FILIP1L: variants seen among roughly 807,000 people sequenced by gnomAD.
The protein encoded by FILIP1L is filamin A interacting protein 1 like, also known as filamin A-interacting protein 1-like.
A neutral mutation model predicts 96.6 loss-of-function variants in FILIP1L; 55 were observed. The ratio of observed to expected loss-of-function variants is 0.57; its 90% CI spans 0.46 to 0.71. The LOEUF is 0.71. Among genes scored for constraint, FILIP1L ranks in the 30% least tolerant of loss-of-function variants. FILIP1L has a pLI of 0.00. For synonymous variants in FILIP1L, 467 were observed against 473.9 expected, an observed-to-expected ratio of 0.99 and a Z score of 0.19; for missense variants, 1,304 against 1,321.2, an observed-to-expected ratio of 0.99 and a Z score of 0.20.
intron 3 of FILIP1L, 112 bp from the exon 4 acceptor site, chr3:99,924,520 TTTTG>T (rs772799372): frequency 1.2e-5 from 14 of 1,124,114 alleles, no homozygotes; most frequent in African/African-American, 3.2e-5. Flanking sequence ...TTTTTTGGTT[TTTTG>T]TTTGTTTGTT....
intron 1 of FILIP1L, among the ~76,000 whole-genome samples, chr3:100,100,379 T>G (rs1212707610): frequency 6.6e-6 from 1 of 152,222 alleles, no homozygotes; most frequent in East Asian, 1.9e-4. Flanking sequence ...CTTGGCTGTC[T>G]TATACATTAT....
At chr3:99,868,881 T>C (rs1944646158) in intron 4 of FILIP1L, among the ~76,000 whole-genome samples, 1 of 152,208 alleles carries the variant, frequency 6.6e-6, no homozygotes, top group Non-Finnish European at 1.5e-5. Context: ...ACCTAAATAT[T>C]CTACATTATT....
chr3:100,039,022 A>G (rs1015645086), intron 1 of FILIP1L, among the ~76,000 whole-genome samples: 1 of 152,248 alleles, frequency 6.6e-6, no homozygotes, highest in Non-Finnish European at 1.5e-5. Flanking sequence ...TTGGGAGACA[A>G]TAATTTTGCA....
intron 1 of FILIP1L, among the ~76,000 whole-genome samples, chr3:100,064,884 G>A (rs1320483032): frequency 2.0e-5 from 3 of 152,106 alleles, no homozygotes; most frequent in South Asian, 2.1e-4. Context: ...GGGGCCTGGG[G>A]GTGGGGTGGT....
intron 1 of FILIP1L, among the ~76,000 whole-genome samples, chr3:99,936,815 A>G (rs1024133320): frequency 6.6e-5 from 10 of 152,130 alleles, no homozygotes; most frequent in Non-Finnish European, 1.2e-4. Context: ...ATAAAAAGAT[A>G]TACATAGTAA....
chr3:99,905,977 G>T (rs565728789), intron 4 of FILIP1L, among the ~76,000 whole-genome samples: 2 of 152,298 alleles, frequency 1.3e-5, no homozygotes, highest in South Asian at 2.1e-4. Context: ...CAGATCACTT[G>T]AACTTAGAAG....
intron 1 of FILIP1L, chr3:100,011,886 T>C (rs1710166900): frequency 6.6e-6 from 1 of 152,228 alleles, no homozygotes; most frequent in African/African-American, 2.4e-5. Flanking sequence ...TTTAGTATTA[T>C]AATATTAAAA....
chr3:100,049,265 T>C (rs1013061759), intron 1 of FILIP1L, among the ~76,000 whole-genome samples: 1 of 152,238 alleles, frequency 6.6e-6, no homozygotes, highest in Non-Finnish European at 1.5e-5. Flanking sequence ...ATTTATCATC[T>C]GTTTTTGAGG....
intron 1 of FILIP1L, among the ~76,000 whole-genome samples, chr3:100,091,996 T>G (rs1199836049): frequency 1.3e-5 from 2 of 152,222 alleles, no homozygotes; most frequent in Non-Finnish European, 2.9e-5. Context: ...GCAAGTTGCT[T>G]GATCTCTCTG....
chr3:100,064,306 G>A (rs138254592), intron 1 of FILIP1L, among the ~76,000 whole-genome samples: 7 of 152,036 alleles, frequency 4.6e-5, no homozygotes, highest in African/African-American at 1.2e-4. Context: ...AACTTCTGAC[G>A]ATTTCCTGTG....
At chr3:99,968,511 A>G (rs1402924446) in intron 1 of FILIP1L, among the ~76,000 whole-genome samples, 3 of 152,022 alleles carry the variant, frequency 2.0e-5, no homozygotes, top group Non-Finnish European at 4.4e-5. Context: ...ATGGAAGGTG[A>G]TGGGAGGTAA....
intron 1 of FILIP1L, among the ~76,000 whole-genome samples, chr3:100,061,407 G>A (rs2065563542): frequency 6.6e-6 from 1 of 152,200 alleles, no homozygotes; most frequent in Admixed American, 6.5e-5. Flanking sequence ...ATGTTTGGCT[G>A]ATGTAGGCAA....
intron 5 of FILIP1L, among the ~76,000 whole-genome samples, chr3:99,835,377 T>G (rs1308642452): frequency 6.6e-6 from 1 of 152,266 alleles, no homozygotes; most frequent in Non-Finnish European, 1.5e-5. Flanking sequence ...AGTAGTTCTT[T>G]TAGATCACCT....
intron 1 of FILIP1L, among the ~76,000 whole-genome samples, chr3:99,951,297 G>A (rs189650113): frequency 1.1e-3 from 162 of 152,208 alleles, no homozygotes; most frequent in African/African-American, 3.7e-3. Flanking sequence ...AATTACAGTA[G>A]CTATTTTACT....
intron 1 of FILIP1L, among the ~76,000 whole-genome samples, chr3:100,066,517 CTTTTTTTTTTTT>C (rs545356638): frequency 7.8e-5 from 3 of 38,306 alleles, no homozygotes; most frequent in East Asian, 8.1e-4. Context: ...GGCTTTGCTT[CTTTTTTTTTTTT>C]TTTTTTTTTT....
intron 4 of FILIP1L, among the ~76,000 whole-genome samples, chr3:99,907,825 C>T (rs1462314562): frequency 6.6e-6 from 1 of 152,214 alleles, no homozygotes. Context: ...TCAAGCCATT[C>T]CTGATCCCCT....
intron 1 of FILIP1L, among the ~76,000 whole-genome samples, chr3:99,944,800 A>G (rs1027770846): frequency 2.6e-5 from 4 of 152,204 alleles, no homozygotes; most frequent in Non-Finnish European, 4.4e-5. Context: ...GACTATATCA[A>G]TAAAATTAAA....
At position 100,011,674 on chromosome 3, in the gene FILIP1L, G is replaced by A. The variant is rs1168841902; in HGVS notation, c.-10-80644C>T. ...TTGATGTTCTGCCAAAAAAGTTCAT[G>A]TATTAAACCAAAGTTCCTTCTTGAA... On this transcript the variant is annotated intron_variant, in intron 1 of 5. Coordinates refer to ENST00000477258, the MANE Select transcript of FILIP1L (RefSeq NM_001387850.1). 2.0e-5 allele frequency: 3 copies of A among 152,286 alleles called. No individual in the cohort carries two copies. In the East Asian group the frequency reaches 5.8e-4, roughly 29 times the overall value. The allele number at this position is 152,286 out of a possible 1,614,324, so 9.4% of individuals were successfully genotyped here. A position where few individuals can be genotyped will look rare whatever the true frequency, so the allele number is the denominator to read the frequency against.
intron 5 of FILIP1L, among the ~76,000 whole-genome samples, chr3:99,831,694 A>G (rs1211302114): frequency 1.3e-5 from 2 of 152,242 alleles, no homozygotes; most frequent in South Asian, 2.1e-4. Context: ...TTTAGTGTTC[A>G]AAAATCTATG....
Sources: gnomAD v4.1 joint callset for allele counts (sites outside exome capture counted in the v4.1 genomes callset) on GRCh38, gnomAD v4.1.1 for gene constraint, MANE v1.5 for transcripts, NCBI Gene and HGNC (gene_info 2026-07-23, HGNC 2026-07-21) for gene names.